The following ANK3 variants were observed in gnomAD, a reference collection of about 807,000 sequenced individuals.
ANK3 encodes the protein ankyrin-3.
Under a neutral mutation model 370.9 loss-of-function variants are expected in ANK3, and 57 were observed. The observed-to-expected ratio is 0.15, with a 90% confidence interval of 0.12 to 0.19. ANK3 has a LOEUF of 0.19. ANK3 is among the 10% of genes least tolerant of loss of function. The pLI is 1.00. For missense variants in ANK3, 4,439 were observed against 5,302.1 expected, an observed-to-expected ratio of 0.84 and a Z score of 5.06; for synonymous variants, 1,929 against 1,946.3, an observed-to-expected ratio of 0.99 and a Z score of 0.23.
intron 2 of ANK3, chr10:60,572,494 G>A: frequency 6.5e-7 from 1 of 1,535,698 alleles, no homozygotes; most frequent in Non-Finnish European, 8.7e-7. Context: ...CTATGAGCAG[G>A]TTTTGCATTT....
chr10:60,711,371 T>G (rs2079703404), intron 1 of ANK3, among the ~76,000 whole-genome samples: 1 of 150,360 alleles, frequency 6.7e-6, no homozygotes, highest in Admixed American at 6.6e-5. Flanking sequence ...AAATTAAAAT[T>G]GAATAAAAAT....
intron 20 of ANK3, among the ~76,000 whole-genome samples, 171 bp downstream of exon 20, chr10:60,172,725 ATCTC>A (rs769225666): frequency 1.3e-5 from 2 of 151,806 alleles, no homozygotes; most frequent in Non-Finnish European, 2.9e-5. Flanking sequence ...AACACTAATC[ATCTC>A]TCTCTCTCTG....
At chr10:60,642,549 G>T (rs1483230117) in intron 1 of ANK3, among the ~76,000 whole-genome samples, 1 of 150,906 alleles carries the variant, frequency 6.6e-6, no homozygotes, top group Non-Finnish European at 1.5e-5. Context: ...ACCAAACACT[G>T]CATGTTCTCA....
At chr10:60,196,750 GATTA>G (rs2096593287) in intron 14 of ANK3, 125 bp from the exon 15 acceptor site, 2 of 620,316 alleles carry the variant, frequency 3.2e-6, no homozygotes, top group Non-Finnish European at 5.6e-6. Context: ...TTCCAGAACT[GATTA>G]ATTATTCTAT....
intron 2 of ANK3, among the ~76,000 whole-genome samples, chr10:60,602,167 A>AATCAGT (rs1402791235): frequency 6.6e-6 from 1 of 152,176 alleles, no homozygotes; most frequent in African/African-American, 2.4e-5. Context: ...AAATCCATAA[A>AATCAGT]ATCAGTATTA....
intron 43 of ANK3, among the ~76,000 whole-genome samples, chr10:60,030,392 T>C (rs1457548166): frequency 2.6e-5 from 4 of 152,166 alleles, no homozygotes; most frequent in Non-Finnish European, 2.9e-5. Context: ...GCCGCCCACC[T>C]TGGCCTCCCA....
At chr10:60,713,146 C>A (rs1022922264) in intron 1 of ANK3, among the ~76,000 whole-genome samples, 7 of 152,266 alleles carry the variant, frequency 4.6e-5, no homozygotes, top group Middle Eastern at 3.4e-3. Flanking sequence ...CTAACAACAG[C>A]AGAATACACA....
At chr10:60,717,716 A>G (rs2079809717) in intron 1 of ANK3, among the ~76,000 whole-genome samples, 1 of 152,238 alleles carries the variant, frequency 6.6e-6, no homozygotes, top group Non-Finnish European at 1.5e-5. Context: ...CTGACTCTGA[A>G]AGCCCTTCAA....
In ANK3 at chr10:60,236,573, C is replaced by G. The variant is rs917928873; in HGVS notation, c.799-1787G>C. On this transcript the variant is annotated intron_variant, in intron 7 of 43. Transcript: ENST00000280772. ...CTCATGGGGAGTTGTTTAACATGTC[C>G]TTTTCTCCCTGTATTTTATGTAAAC... 6.6e-5 allele frequency among the ~76,000 whole-genome samples: 10 copies of G among 152,124 alleles called. 1 individual carries two copies. Among genetic ancestry groups the G allele is most frequent in the Non-Finnish European group, 1.0e-4 (7 of 68,032 alleles).
intron 8 of ANK3, among the ~76,000 whole-genome samples, chr10:60,232,300 TCTC>T (rs1263519891): frequency 6.6e-6 from 1 of 152,142 alleles, no homozygotes; most frequent in Non-Finnish European, 1.5e-5. Flanking sequence ...TCTTCAAGCT[TCTC>T]TTTTCTGCGT....
At chr10:60,414,258 C>G (rs557551205) in intron 2 of ANK3, among the ~76,000 whole-genome samples, 43 of 152,076 alleles carry the variant, frequency 2.8e-4, no homozygotes, top group Non-Finnish European at 5.7e-4. Flanking sequence ...AATCCTGTTC[C>G]CAGCAAGTCC....
intron 7 of ANK3, among the ~76,000 whole-genome samples, chr10:60,239,025 A>G (rs1430682585): frequency 6.6e-6 from 1 of 152,190 alleles, no homozygotes; most frequent in Non-Finnish European, 1.5e-5. Context: ...TGGGCTCCTC[A>G]ATAGACTTCA....
At chr10:60,109,129 T>C in intron 26 of ANK3, 75 bp from the exon 27 acceptor site, 1 of 1,111,158 alleles carries the variant, frequency 9.0e-7, no homozygotes, top group Non-Finnish European at 1.3e-6. Flanking sequence ...AAATTAAATG[T>C]TTAAGTTTAT....
At chr10:60,502,633 T>C (rs1001741707) in intron 2 of ANK3, among the ~76,000 whole-genome samples, 1 of 151,560 alleles carries the variant, frequency 6.6e-6, no homozygotes, top group Middle Eastern at 3.2e-3. Flanking sequence ...TGCGTGATGA[T>C]TGTGCCTGTG....
At chr10:60,546,335 C>T (rs1421041282) in intron 2 of ANK3, among the ~76,000 whole-genome samples, 1 of 152,182 alleles carries the variant, frequency 6.6e-6, no homozygotes, top group African/African-American at 2.4e-5. Flanking sequence ...GGTGCCAAGT[C>T]TGGATAGTCT....
intron 1 of ANK3, among the ~76,000 whole-genome samples, chr10:60,649,708 T>G (rs922190748): frequency 1.6e-4 from 25 of 152,238 alleles, no homozygotes; most frequent in African/African-American, 5.5e-4. Context: ...GCCACCTCAC[T>G]ACAGCTTCAG....
At chr10:60,673,372 CAG>C (rs879748580) in intron 1 of ANK3, among the ~76,000 whole-genome samples, 6 of 151,618 alleles carry the variant, frequency 4.0e-5, no homozygotes, top group Admixed American at 1.3e-4. Flanking sequence ...CTTTTTGAGA[CAG>C]AGTTTCGCTC....
chr10:60,125,617 A>C (rs12779378), intron 25 of ANK3, among the ~76,000 whole-genome samples: 4 of 151,870 alleles, frequency 2.6e-5, no homozygotes, highest in Non-Finnish European at 5.9e-5. Context: ...GTTTCTGAGC[A>C]CCCCCCTTAG....
At chr10:60,334,310 T>C (rs768181753) in intron 1 of ANK3, among the ~76,000 whole-genome samples, 15 of 152,200 alleles carry the variant, frequency 9.9e-5, no homozygotes, top group Non-Finnish European at 2.9e-5. Flanking sequence ...TGACAAATGT[T>C]TCCCCTGATA....
Sources: gnomAD v4.1 joint callset for allele counts (sites outside exome capture counted in the v4.1 genomes callset) on GRCh38, gnomAD v4.1.1 for gene constraint, MANE v1.5 for transcripts, NCBI Gene and HGNC (gene_info 2026-07-23, HGNC 2026-07-21) for gene names.